The following MRPL44 variants were observed in gnomAD, a reference collection of about 807,000 sequenced individuals.
MRPL44 encodes large ribosomal subunit protein mL44.
Under a neutral mutation model 25.9 loss-of-function variants are expected in MRPL44, and 21 were observed. That is an observed-to-expected ratio of 0.81 (90% confidence interval 0.58 to 1.17). MRPL44 has a LOEUF of 1.17. Ranked by LOEUF, MRPL44 falls within the 50% of genes most tolerant of loss-of-function variation. The pLI is 0.00. For missense variants in MRPL44, 410 were observed against 398.9 expected (o/e 1.03, Z -0.24); for synonymous variants, 169 against 151.0 (o/e 1.12, Z -0.87).
At chr2:223,960,077 A>G (rs1430454660) in intron 2 of MRPL44, 75 bp downstream of exon 2, 11 of 1,238,252 alleles carry the variant, frequency 8.9e-6, no homozygotes, top group Non-Finnish European at 1.2e-5. Context: ...CTTCTTTGAT[A>G]TATCACCTTG....
At chr2:223,955,934 A>T (rs899883633), upstream of MRPL44, among the ~76,000 whole-genome samples, 4 of 152,214 alleles carry the variant, frequency 2.6e-5, no homozygotes, top group Non-Finnish European at 4.4e-5. Flanking sequence ...TAGTAGAAGA[A>T]ATCTTTTGAG....
In MRPL44 at chr2:223,959,562, G is replaced by A. The variant is rs773753988; in HGVS notation, c.208G>A (p.Ala70Thr). ...AGAGAAGCCGAACTGGGATTACCAT[G>A]CAGAAATACAAGCTTTTGGACATCG... is the stretch of plus-strand genomic sequence containing the variant. Reference protein sequence around the residue: ...RSEKPNWDYHAEIQAFGHRLQ... With the variant: ...RSEKPNWDYHTEIQAFGHRLQ... The change falls in exon 2 of 4, where the codon GCA (alanine) becomes ACA (threonine). Residue 70 changes from alanine to threonine, a missense_variant. Transcript: ENST00000258383. 6 of 1,611,960 alleles carry A rather than the reference G, an allele frequency of 3.7e-6. No homozygotes were observed. The African/African-American group carries it at 6.7e-5, about 18-fold the overall frequency.
Position 223,963,851 on chromosome 2 carries a change from G to T in MRPL44, c.744G>T (p.Arg248Ser), listed in dbSNP as rs201097678. The T allele has an allele frequency of 1.1e-5, 17 of 1,613,876 alleles. No homozygotes were observed. The highest frequency in any genetic ancestry group is 1.4e-5 in the Non-Finnish European group (17 of 1,179,856). The change falls in exon 3 of 4, where the codon AGG becomes AGT. Residue 248 changes from arginine to serine, a missense_variant. Physicochemically the swap from Arg to Ser is moderately radical, Grantham distance 110. Transcript: ENST00000258383. Reference sequence around the variant, plus strand: ...TATTGGTAGAAGAACTGAAGAAAAGGAATGTTTCAGCTCCTGAATCAAGAC... The same window carrying T: ...TATTGGTAGAAGAACTGAAGAAAAGTAATGTTTCAGCTCCTGAATCAAGAC... ...MGLLVEELKK[R>S]NVSAPESRLT...
intron 2 of MRPL44, among the ~76,000 whole-genome samples, chr2:223,961,253 C>T (rs1406767803): frequency 6.6e-6 from 1 of 152,214 alleles, no homozygotes; most frequent in African/African-American, 2.4e-5. Flanking sequence ...AAAGGTTTTA[C>T]AGAAGTGATT....
Position 223,957,466 on chromosome 2 carries a change from T to A in MRPL44, c.-7T>A, listed in dbSNP as rs1279365970. The A allele has an allele frequency of 1.2e-6, 2 of 1,614,140 alleles. No individual in the cohort carries two copies. Among genetic ancestry groups the A allele is most frequent in the South Asian group, 2.2e-5 (2 of 91,090 alleles). ...TCGTTCCGTCTTCCATCGTTTTCTC[T>A]CGTGCAATGGCGTCCGGGCTGGTAA... On this transcript the variant is annotated 5_prime_UTR_variant, in exon 1 of 4. Transcript: ENST00000258383.
In MRPL44 at chr2:223,966,878, T is replaced by A. The variant is rs774375687; in HGVS notation, c.843T>A (p.Ile281=). 1 of 1,612,252 alleles carries A rather than the reference T, an allele frequency of 6.2e-7. No individual in the cohort carries two copies. The highest frequency in any genetic ancestry group is 1.3e-5 in the African/African-American group (1 of 74,726). Reference sequence around the variant, plus strand: ...CTCTTTCTAGTGATAAAAAGTTGATTGCAGAAGGACCTGGGGAAACAGTAT... The same window carrying A: ...CTCTTTCTAGTGATAAAAAGTTGATAGCAGAAGGACCTGGGGAAACAGTAT... The part of the protein sequence containing the change: ...FVGLYCDKKL[I]AEGPGETVLV... Residue 281 remains isoleucine (I), a synonymous_variant, in exon 4 of 4, where the codon ATT becomes ATA. Transcript: ENST00000258383.
At chr2:223,955,403 C>G (rs1204908859), upstream of MRPL44, among the ~76,000 whole-genome samples, 1 of 152,108 alleles carries the variant, frequency 6.6e-6, no homozygotes, top group African/African-American at 2.4e-5. Flanking sequence ...GTAGTTATTC[C>G]TTAGCTAATC....
At chr2:223,955,692 C>G (rs1310894338), upstream of MRPL44, among the ~76,000 whole-genome samples, 2 of 152,242 alleles carry the variant, frequency 1.3e-5, no homozygotes, top group South Asian at 2.1e-4. Flanking sequence ...AATGAAAACT[C>G]GAAAGTTGTT....
chr2:223,964,059 T>C, intron 3 of MRPL44, 125 bp downstream of exon 3: 1 of 682,148 alleles, frequency 1.5e-6, no homozygotes. Context: ...TCAGATTCCT[T>C]AACGTAACTT....
intron 2 of MRPL44, among the ~76,000 whole-genome samples, chr2:223,962,416 T>G (rs1460618520): frequency 6.6e-6 from 1 of 152,024 alleles, no homozygotes; most frequent in Non-Finnish European, 1.5e-5. Flanking sequence ...CTAAGTGATC[T>G]TTTTAAATTT....
upstream of MRPL44, among the ~76,000 whole-genome samples, chr2:223,954,078 C>A (rs1559182095): frequency 6.6e-6 from 1 of 152,152 alleles, no homozygotes; most frequent in Non-Finnish European, 1.5e-5. Context: ...TCAAAAGTAT[C>A]CTTAATGACA....
rs536747024 is a variant in MRPL44 at position 223,964,918 on chromosome 2, T to C, written c.827+984T>C. On this transcript the variant is annotated intron_variant, in intron 3 of 3. Coordinates refer to ENST00000258383, the MANE Select transcript of MRPL44 (RefSeq NM_022915.5). ...TGTTGAACTAAAAAACAATTAGAAA[T>C]AAATTTGATATTCCACAAGAGGGAA... is the stretch of plus-strand genomic sequence containing the variant. 4.6e-5 allele frequency among the ~76,000 whole-genome samples: 7 copies of C among 152,190 alleles called. No individual in the cohort carries two copies. The South Asian group carries it at 1.2e-3, about 27-fold the overall frequency.
Position 223,966,906 on chromosome 2 carries a change from G to A in MRPL44, c.871G>A (p.Val291Ile). Residue 291 changes from valine to isoleucine, a missense_variant, in exon 4 of 4, where the codon GTT becomes ATT. Transcript: ENST00000258383. ...AGAAGGACCTGGGGAAACAGTATTG[G>A]TTGCAGAAGAAGAGGCTGCTCGAGT... is the stretch of plus-strand genomic sequence containing the variant. ...IAEGPGETVL[V>I]AEEEAARVAL... is the part of the protein sequence containing the mutation. 3 of 1,614,170 alleles carry A rather than the reference G, an allele frequency of 1.9e-6. No homozygotes were observed. Among genetic ancestry groups the A allele is most frequent in the Non-Finnish European group, 2.5e-6 (3 of 1,180,014 alleles).
chr2:223,966,458 A>T (rs1574797269), intron 3 of MRPL44, among the ~76,000 whole-genome samples: 1 of 152,114 alleles, frequency 6.6e-6, no homozygotes, highest in Admixed American at 6.5e-5. Flanking sequence ...TTTTGTAAGG[A>T]GATATTTATT....
intron 3 of MRPL44, 92 bp downstream of exon 3, chr2:223,964,026 T>A: frequency 1.0e-6 from 1 of 990,376 alleles, no homozygotes; most frequent in Non-Finnish European, 1.5e-6. Flanking sequence ...TCACATTCCA[T>A]AAGGAATGTT....
At chr2:223,957,258 G>A (rs1689577445), upstream of MRPL44, 3 of 613,118 alleles carry the variant, frequency 4.9e-6, no homozygotes, top group East Asian at 5.5e-5. Context: ...CTCGAAGAGA[G>A]GAGAGAACTA....
In MRPL44 at chr2:223,959,956, C is replaced by A; in HGVS notation, c.602C>A (p.Ala201Asp). Residue 201 changes from alanine (A) to aspartate (D), a missense_variant, in exon 2 of 4, where the codon GCC becomes GAC. Coordinates refer to ENST00000258383, the MANE Select transcript of MRPL44 (RefSeq NM_022915.5). ...LQQTFFAVIGALLQSSGPERT... is the reference protein window; with the variant it reads ...LQQTFFAVIGDLLQSSGPERT... ...CAGACTTTCTTTGCAGTTATTGGAG[C>A]CCTGTTACAGAGCAGTGGACCTGAG... is the stretch of plus-strand genomic sequence containing the variant. 6.2e-7 allele frequency: 1 copy of A among 1,614,120 alleles called. No individual in the cohort carries two copies. The highest frequency in any genetic ancestry group is 8.5e-7 in the Non-Finnish European group (1 of 1,179,998).
intron 2 of MRPL44, among the ~76,000 whole-genome samples, chr2:223,961,090 C>G (rs1438075763): frequency 2.0e-5 from 3 of 152,208 alleles, no homozygotes; most frequent in African/African-American, 7.2e-5. Context: ...GGGCCAGGCA[C>G]TCTGCTGAGC....
intron 2 of MRPL44, among the ~76,000 whole-genome samples, chr2:223,962,794 C>T (rs560298963): frequency 6.6e-6 from 1 of 152,260 alleles, no homozygotes; most frequent in East Asian, 1.9e-4. Context: ...CTCCACCTCC[C>T]AGGTTCAAGC....
Sources: allele counts gnomAD v4.1 joint callset (sites outside exome capture counted in the v4.1 genomes callset), GRCh38; gene constraint gnomAD v4.1.1; transcripts MANE v1.5; gene names NCBI Gene and HGNC (gene_info 2026-07-23, HGNC 2026-07-21).